GRIA2: variants seen among roughly 807,000 people sequenced by gnomAD.
GRIA2 encodes glutamate ionotropic receptor AMPA type subunit 2, also known as glutamate receptor 2.
A neutral mutation model predicts 97.3 loss-of-function variants in GRIA2; 14 were observed. That is an observed-to-expected ratio of 0.14 (90% confidence interval 0.10 to 0.23). The LOEUF is 0.23. Ranked by LOEUF, GRIA2 falls within the 10% of genes least tolerant of loss-of-function variation. The pLI, the probability that GRIA2 is intolerant of heterozygous loss-of-function variation, is 1.00. For synonymous variants in GRIA2, 412 were observed against 387.8 expected, an observed-to-expected ratio of 1.06 and a Z score of -0.73; for missense variants, 558 against 1,069.8, an observed-to-expected ratio of 0.52 and a Z score of 6.67.
intron 2 of GRIA2, among the ~76,000 whole-genome samples, chr4:157,256,210 GTTATATA>G (rs1372639646): frequency 6.0e-5 from 7 of 117,000 alleles, no homozygotes; most frequent in Admixed American, 9.4e-5. Flanking sequence ...ACATATATAT[GTTATATA>G]TAATATATAA....
intron 6 of GRIA2, among the ~76,000 whole-genome samples, chr4:157,326,750 T>C (rs537705503): frequency 2.0e-5 from 3 of 152,228 alleles, no homozygotes; most frequent in African/African-American, 7.2e-5. Context: ...GAAGAAATGC[T>C]GAGAAATCAT....
chr4:157,360,973 C>T, intron 13 of GRIA2, 37 bp from the exon 14 acceptor site: 1 of 1,438,312 alleles, frequency 7.0e-7, no homozygotes, highest in South Asian at 1.2e-5. Context: ...CTAAAATTTG[C>T]TCACCCTGTC....
chr4:157,330,748 T>C (rs1319146856), intron 6 of GRIA2, among the ~76,000 whole-genome samples: 1 of 151,942 alleles, frequency 6.6e-6, no homozygotes, highest in Non-Finnish European at 1.5e-5. Flanking sequence ...TAAAAACGAT[T>C]TCCCTGATTT....
intron 2 of GRIA2, among the ~76,000 whole-genome samples, chr4:157,256,145 ATAT>A (rs1420614336): frequency 1.4e-5 from 2 of 141,520 alleles, no homozygotes; most frequent in South Asian, 2.1e-4. Context: ...TCAAATTGTA[ATAT>A]TATATATTAC....
At chr4:157,251,379 T>A (rs1731014601) in intron 2 of GRIA2, among the ~76,000 whole-genome samples, 1 of 152,048 alleles carries the variant, frequency 6.6e-6, no homozygotes, top group Non-Finnish European at 1.5e-5. Context: ...CAGAAAAAAA[T>A]AAAAAACAAT....
chr4:157,361,752 T>C lies in GRIA2; in HGVS notation c.2406+628T>C. 3.9e-6 allele frequency: 3 copies of C among 778,950 alleles called. No homozygotes were observed. Among genetic ancestry groups the C allele is most frequent in the Admixed American group, 4.6e-5 (2 of 43,336 alleles). 48.3% of individuals were successfully genotyped at this position (778,950 alleles called of 1,614,324 possible). ...TGGGAATGACCCATCTTAAATAGAATGTAAATGCAAATATGCATGAGATGC... is the reference window on the plus strand; with the variant it reads ...TGGGAATGACCCATCTTAAATAGAACGTAAATGCAAATATGCATGAGATGC... On this transcript the variant is annotated intron_variant, in intron 14 of 15. Transcript: ENST00000264426. The surrounding 1 kb of genome is among the most constrained non-coding windows in gnomAD (Gnocchi z 5.2).
At chr4:157,240,612 T>G (rs1399553622) in intron 2 of GRIA2, among the ~76,000 whole-genome samples, 1 of 152,124 alleles carries the variant, frequency 6.6e-6, no homozygotes, top group Non-Finnish European at 1.5e-5. Context: ...TCTTTGTTCT[T>G]TTGATTTGAG....
chr4:157,298,576 T>TGA (rs1188306884), intron 2 of GRIA2, among the ~76,000 whole-genome samples: 1 of 147,154 alleles, frequency 6.8e-6, no homozygotes, highest in African/African-American at 2.5e-5. Context: ...TATAATGAAC[T>TGA]GAGGGACACT....
chr4:157,343,765 T>A (rs1735649736), intron 12 of GRIA2, among the ~76,000 whole-genome samples: 1 of 152,092 alleles, frequency 6.6e-6, no homozygotes, highest in African/African-American at 2.4e-5. Flanking sequence ...AGGAACTGTA[T>A]ATGTTAATTA....
intron 2 of GRIA2, among the ~76,000 whole-genome samples, chr4:157,300,099 A>G (rs945111924): frequency 2.0e-5 from 3 of 146,404 alleles, no homozygotes; most frequent in African/African-American, 7.6e-5. Context: ...TCTCGGTGGT[A>G]GTAAACCTTC....
At chr4:157,241,873 A>G (rs1407860099) in intron 2 of GRIA2, among the ~76,000 whole-genome samples, 1 of 152,128 alleles carries the variant, frequency 6.6e-6, no homozygotes, top group Non-Finnish European at 1.5e-5. Flanking sequence ...AGTAACACTG[A>G]GCATTAGAAT....
chr4:157,287,995 G>T (rs1732921859), intron 2 of GRIA2, among the ~76,000 whole-genome samples: 1 of 151,552 alleles, frequency 6.6e-6, no homozygotes, highest in Admixed American at 6.6e-5. Context: ...CAGTCAGATT[G>T]CTCACAAAGA....
intron 14 of GRIA2, among the ~76,000 whole-genome samples, chr4:157,362,187 C>T (rs149702365): frequency 1.3e-3 from 195 of 152,224 alleles, no homozygotes; most frequent in South Asian, 2.1e-3. Flanking sequence ...AAATGGTACA[C>T]TGCAATTCTA....
chr4:157,269,297 A>T (rs1446744056), intron 2 of GRIA2, among the ~76,000 whole-genome samples: 1 of 152,076 alleles, frequency 6.6e-6, no homozygotes. Context: ...AAACACTGGA[A>T]TGACCTACCT....
At chr4:157,257,073 A>G (rs1300671210) in intron 2 of GRIA2, among the ~76,000 whole-genome samples, 1 of 152,100 alleles carries the variant, frequency 6.6e-6, no homozygotes. Context: ...CAAAGTTGGA[A>G]GAAATCAGTT....
At chr4:157,239,132 G>T (rs1473920119) in intron 2 of GRIA2, among the ~76,000 whole-genome samples, 2 of 152,038 alleles carry the variant, frequency 1.3e-5, no homozygotes, top group Non-Finnish European at 2.9e-5. Context: ...TGCCACATCA[G>T]CTTGGATGTC....
intron 2 of GRIA2, among the ~76,000 whole-genome samples, chr4:157,292,448 A>G (rs1343015153): frequency 6.6e-6 from 1 of 152,066 alleles, no homozygotes; most frequent in African/African-American, 2.4e-5. Context: ...ATCCCAGAAT[A>G]GTTTGAAAAT....
intron 2 of GRIA2, among the ~76,000 whole-genome samples, chr4:157,243,727 G>A (rs1730606600): frequency 6.6e-6 from 1 of 152,064 alleles, no homozygotes; most frequent in Non-Finnish European, 1.5e-5. Flanking sequence ...GATGTGTGCT[G>A]TATGTACCTG....
At chr4:157,290,990 G>A (rs896880459) in intron 2 of GRIA2, among the ~76,000 whole-genome samples, 9 of 151,828 alleles carry the variant, frequency 5.9e-5, no homozygotes, top group African/African-American at 9.7e-5. Flanking sequence ...AGAACAAGAC[G>A]TTCATTCATT....
Sources: gnomAD v4.1 joint callset for allele counts (sites outside exome capture counted in the v4.1 genomes callset) on GRCh38, gnomAD v4.1.1 for gene constraint, Gnocchi (gnomAD v3.1) non-coding constraint, MANE v1.5 for transcripts, NCBI Gene and HGNC (gene_info 2026-07-23, HGNC 2026-07-21) for gene names.